ARID1B: variants seen among roughly 807,000 people sequenced by gnomAD.
The protein encoded by ARID1B is AT-rich interactive domain-containing protein 1B.
In ARID1B, 30 loss-of-function variants were observed where a neutral mutation model predicts 212.3. The ratio of observed to expected loss-of-function variants is 0.14; its 90% CI spans 0.11 to 0.19. The LOEUF is 0.19. ARID1B is among the 10% of genes least tolerant of loss of function. The pLI, the probability that ARID1B is intolerant of heterozygous loss-of-function variation, is 1.00. For missense variants in ARID1B, 2,891 were observed against 3,204.0 expected (o/e 0.90, Z 2.36); for synonymous variants, 1,402 against 1,301.7 (o/e 1.08, Z -1.66).
At chr6:156,929,713 C>G (rs1217225433) in intron 3 of ARID1B, among the ~76,000 whole-genome samples, 1 of 152,144 alleles carries the variant, frequency 6.6e-6, no homozygotes, top group Non-Finnish European at 1.5e-5. Flanking sequence ...ATCACTTATT[C>G]CAGATCCAGA....
chr6:156,920,313 A>G (rs1471927218), intron 3 of ARID1B, among the ~76,000 whole-genome samples: 1 of 152,224 alleles, frequency 6.6e-6, no homozygotes, highest in African/African-American at 2.4e-5. Flanking sequence ...ATCGAGGCTC[A>G]TTATATATTC....
intron 4 of ARID1B, among the ~76,000 whole-genome samples, chr6:157,066,325 G>A (rs79695502): frequency 0.014 from 2,168 of 152,242 alleles, 56 homozygotes; most frequent in African/African-American, 0.049. Context: ...AGGAAGAAAA[G>A]GTGTAGTTCA....
intron 7 of ARID1B, among the ~76,000 whole-genome samples, chr6:157,141,555 C>A (rs1399013980): frequency 5.9e-5 from 9 of 152,162 alleles, no homozygotes; most frequent in Non-Finnish European, 1.3e-4. Context: ...TGATGCATTT[C>A]TCTGGCTGAA....
intron 2 of ARID1B, among the ~76,000 whole-genome samples, chr6:156,859,621 GCC>G (rs1785184068): frequency 6.6e-6 from 1 of 152,192 alleles, no homozygotes; most frequent in African/African-American, 2.4e-5. Context: ...TTATACACCA[GCC>G]TTTTATACAG....
At chr6:156,959,927 T>TC in intron 4 of ARID1B, among the ~76,000 whole-genome samples, 1 of 134,464 alleles carries the variant, frequency 7.4e-6, no homozygotes, top group African/African-American at 3.0e-5. Context: ...GTCAGCTTCT[T>TC]TTTTTTTTTT....
At chr6:156,864,372 C>T (rs1169718186) in intron 2 of ARID1B, among the ~76,000 whole-genome samples, 1 of 152,098 alleles carries the variant, frequency 6.6e-6, no homozygotes, top group East Asian at 1.9e-4. Context: ...CCCCTGGGCT[C>T]TTGGCTTGAT....
chr6:156,860,161 A>G (rs1488084039), intron 2 of ARID1B, among the ~76,000 whole-genome samples: 1 of 152,244 alleles, frequency 6.6e-6, no homozygotes, highest in Non-Finnish European at 1.5e-5. Flanking sequence ...TAAATTTTGC[A>G]GAATATGCTT....
Position 156,859,241 on chromosome 6 carries a change from G to A in ARID1B, c.1986+29820G>A, listed in dbSNP as rs141199859. Among the ~76,000 whole-genome samples, 1,441 of 152,256 alleles carry A rather than the reference G, an allele frequency of 9.5e-3. 22 individuals are homozygous for A. The highest frequency in any genetic ancestry group is 0.032 in the African/African-American group (1,310 of 41,534). ...CCATTTTCCTGCCTCAGCCTCCCAAGTAGCTGGGGCTACAGGTGCCCGCCA... is the reference window on the plus strand; with the variant it reads ...CCATTTTCCTGCCTCAGCCTCCCAAATAGCTGGGGCTACAGGTGCCCGCCA... On this transcript the variant is annotated intron_variant, in intron 2 of 19. Transcript: ENST00000636930.
chr6:156,796,660 CT>C (rs1382098809), intron 1 of ARID1B, among the ~76,000 whole-genome samples: 1 of 152,304 alleles, frequency 6.6e-6, no homozygotes, highest in Non-Finnish European at 1.5e-5. Flanking sequence ...GAGCTTCTCT[CT>C]GTTGGAGAAG....
intron 6 of ARID1B, among the ~76,000 whole-genome samples, chr6:157,115,123 C>T (rs1268126429): frequency 2.0e-5 from 3 of 152,178 alleles, no homozygotes; most frequent in Non-Finnish European, 2.9e-5. Flanking sequence ...ATCTCTTTTT[C>T]GGTGCCCATT....
chr6:156,901,404 T>C lies in ARID1B; in HGVS notation c.2015T>C (p.Val672Ala), dbSNP rs1316601537. The C allele has an allele frequency of 7.4e-6, 12 of 1,614,028 alleles. No individual in the cohort carries two copies. Among genetic ancestry groups the C allele is most frequent in the Non-Finnish European group, 1.0e-5 (12 of 1,180,050 alleles). Residue 672 changes from valine (V) to alanine (A), a missense_variant, in exon 3 of 20, where the codon GTG becomes GCG. Coordinates refer to ENST00000636930, the MANE Select transcript of ARID1B (RefSeq NM_001374828.1). The part of the protein sequence containing the change: ...QMPPQYGQQG[V>A]SGYCQQGQQP... ...CCACCTCAGTATGGACAGCAAGGTG[T>C]GAGTGGTTACTGCCAGCAGGGCCAA...
chr6:157,174,400 G>T, intron 10 of ARID1B: 1 of 296,210 alleles, frequency 3.4e-6, no homozygotes, highest in Non-Finnish European at 6.2e-6. Flanking sequence ...AGAAGTAGGG[G>T]TCCTGCCTGG....
intron 8 of ARID1B, among the ~76,000 whole-genome samples, chr6:157,156,310 T>C (rs1790571909): frequency 6.6e-6 from 1 of 152,252 alleles, no homozygotes; most frequent in Non-Finnish European, 1.5e-5. Flanking sequence ...ATTTTTTATT[T>C]CTGCAATTAA....
chr6:157,026,052 G>A (rs764327086), intron 4 of ARID1B, among the ~76,000 whole-genome samples: 1 of 152,108 alleles, frequency 6.6e-6, no homozygotes, highest in South Asian at 2.1e-4. Flanking sequence ...AGCCTCCTGA[G>A]TAGCTGGGAT....
chr6:156,930,559 T>C (rs910685719), intron 3 of ARID1B, among the ~76,000 whole-genome samples: 1 of 152,234 alleles, frequency 6.6e-6, no homozygotes, highest in Non-Finnish European at 1.5e-5. Flanking sequence ...TAAAGATTGA[T>C]GCTACAGAGA....
intron 3 of ARID1B, among the ~76,000 whole-genome samples, chr6:156,916,587 T>C (rs1458932852): frequency 2.0e-5 from 3 of 152,200 alleles, no homozygotes; most frequent in Non-Finnish European, 4.4e-5. Context: ...CCTTCAATGC[T>C]GTGGTTTAGT....
intron 3 of ARID1B, among the ~76,000 whole-genome samples, chr6:156,931,054 G>A (rs1246745714): frequency 6.6e-6 from 1 of 152,046 alleles, no homozygotes; most frequent in Non-Finnish European, 1.5e-5. Flanking sequence ...GCCAGGTGTG[G>A]TGGCACATGC....
At chr6:157,180,380 A>AG (rs1221085302) in intron 11 of ARID1B, among the ~76,000 whole-genome samples, 5 of 147,126 alleles carry the variant, frequency 3.4e-5, no homozygotes, top group African/African-American at 1.3e-4. Context: ...AAAAAAAAAA[A>AG]CAAAAAAAAA....
chr6:157,080,948 C>T (rs569183007), intron 4 of ARID1B, among the ~76,000 whole-genome samples: 2 of 152,114 alleles, frequency 1.3e-5, no homozygotes, highest in Non-Finnish European at 2.9e-5. Flanking sequence ...ATCAGTATTC[C>T]GAGTGATGTC....
Sources: allele counts gnomAD v4.1 joint callset (sites outside exome capture counted in the v4.1 genomes callset), GRCh38; gene constraint gnomAD v4.1.1; transcripts MANE v1.5; gene names NCBI Gene and HGNC (gene_info 2026-07-23, HGNC 2026-07-21).